The following ABCA12 variants were observed in gnomAD, a reference collection of about 807,000 sequenced individuals.
ABCA12 encodes glucosylceramide transporter ABCA12.
A neutral mutation model predicts 293.5 loss-of-function variants in ABCA12; 156 were observed. The ratio of observed to expected loss-of-function variants is 0.53; its 90% CI spans 0.47 to 0.61. The LOEUF (loss-of-function observed/expected upper bound fraction) is 0.61, where lower values mean the gene tolerates loss of function less well. Ranked by LOEUF, ABCA12 falls within the 20% of genes least tolerant of loss-of-function variation. The probability of loss-of-function intolerance (pLI) is 0.00; values close to 1 mark genes in which losing one functional copy is unlikely to be tolerated. For missense variants in ABCA12, 2,797 were observed against 3,090.2 expected (o/e 0.91, Z 2.25); for synonymous variants, 1,063 against 1,108.0 (o/e 0.96, Z 0.81).
chr2:215,136,540 A>C (rs1703231732), intron 1 of ABCA12, among the ~76,000 whole-genome samples: 1 of 152,202 alleles, frequency 6.6e-6, no homozygotes, highest in African/African-American at 2.4e-5. Context: ...TGACAATAAC[A>C]CGTACAGATT....
intron 2 of ABCA12, among the ~76,000 whole-genome samples, chr2:215,090,907 C>T (rs1186351275): frequency 6.6e-6 from 1 of 152,148 alleles, no homozygotes; most frequent in African/African-American, 2.4e-5. Flanking sequence ...GACCTAAAAC[C>T]TAAGCATCTT....
rs1699900974 is a variant in ABCA12, at chr2:214,991,033, T to C, written c.3295-2A>G. On this transcript the variant is annotated splice_acceptor_variant, in intron 23 of 52. Transcript: ENST00000272895. LOFTEE classifies it high-confidence loss of function. ...GTTCACACCCATCATCTTCATGTAC[T>C]GTAAGAAGAAAAAATGTGAGGCGCT... is the stretch of plus-strand genomic sequence containing the variant. 6.2e-7 allele frequency: 1 copy of C among 1,613,560 alleles called. No individual in the cohort carries two copies. The highest frequency in any genetic ancestry group is 2.2e-5 in the East Asian group (1 of 44,858).
At chr2:215,051,896 T>G (rs892861622) in intron 5 of ABCA12, among the ~76,000 whole-genome samples, 3 of 152,060 alleles carry the variant, frequency 2.0e-5, no homozygotes, top group Non-Finnish European at 4.4e-5. Flanking sequence ...CACATTCAAT[T>G]TCTTAAAATC....
At chr2:215,126,205 T>TA (rs1702918131) in intron 1 of ABCA12, among the ~76,000 whole-genome samples, 1 of 152,162 alleles carries the variant, frequency 6.6e-6, no homozygotes. Context: ...GCAAGTATTT[T>TA]GTTAAGGATT....
At chr2:214,982,720 T>C (rs557283158) in intron 29 of ABCA12, among the ~76,000 whole-genome samples, 19 of 152,306 alleles carry the variant, frequency 1.2e-4, no homozygotes, top group African/African-American at 4.1e-4. Context: ...CTGTGTTTTA[T>C]GTACTTGGGA....
chr2:215,074,011 T>C (rs1254797482), intron 2 of ABCA12, among the ~76,000 whole-genome samples: 6 of 152,224 alleles, frequency 3.9e-5, no homozygotes, highest in Non-Finnish European at 8.8e-5. Flanking sequence ...TGAATAACTT[T>C]GGTTAATTCC....
At chr2:215,062,443 T>A (rs573090507) in intron 3 of ABCA12, among the ~76,000 whole-genome samples, 7 of 152,004 alleles carry the variant, frequency 4.6e-5, no homozygotes, top group Non-Finnish European at 1.0e-4. Context: ...TCATAGACAA[T>A]GTATCATGTC....
intron 23 of ABCA12, among the ~76,000 whole-genome samples, chr2:214,994,104 T>C (rs1831024): frequency 0.75 from 113,642 of 152,086 alleles, 46,456 homozygotes; most frequent in East Asian, 0.96. Flanking sequence ...ACAGCTGCTA[T>C]TCATAAAGAG....
At chr2:215,016,581 T>TAA (rs1328873832) in intron 14 of ABCA12, among the ~76,000 whole-genome samples, 1 of 2,384 alleles carries the variant, frequency 4.2e-4, no homozygotes, top group African/African-American at 1.3e-3. Flanking sequence ...TGACTCTGTC[T>TAA]CAAAAAAAAA....
chr2:215,020,322 ATAT>A (rs1277680048), intron 11 of ABCA12, among the ~76,000 whole-genome samples: 1 of 152,188 alleles, frequency 6.6e-6, no homozygotes, highest in Non-Finnish European at 1.5e-5. Flanking sequence ...ACAGAGTGGT[ATAT>A]TATTAAACCT....
At position 215,004,293 on chromosome 2, in the gene ABCA12, G is replaced by A. The variant is rs1036106693; in HGVS notation, c.2599C>T (p.Leu867=). 2 of 1,609,962 alleles carry A rather than the reference G, an allele frequency of 1.2e-6. No homozygotes were observed. The highest frequency in any genetic ancestry group is 1.3e-5 in the African/African-American group (1 of 74,852). ...NQAIPMLQNT[L]RNPFVQVFVK... ...AAAACTTGCACAAAAGGGTTCCTTA[G>A]AGTATTCTAACAAATAATAATTAAA... The change falls in exon 20 of 53, where the codon CTA becomes TTA. Residue 867 remains leucine (L), a synonymous_variant. Transcript: ENST00000272895.
chr2:214,955,493 G>A, intron 42 of ABCA12, 132 bp from the exon 43 acceptor site: 3 of 823,010 alleles, frequency 3.6e-6, no homozygotes, highest in Admixed American at 4.7e-5. Context: ...ACCAGCCTGA[G>A]CAACTTGGCA....
chr2:215,019,589 TCA>T lies in ABCA12; in HGVS notation c.1493_1494del (p.Val498GlufsTer12). ...CTTGGATCTCCAGTCAGCAAATCTC[TCA>T]CTTTTTTAGATATGACATTGTCATG... ...LYHDNVISKKVRDLLTGDPSK... is the reference protein window; with the variant it reads ...LYHDNVISKKXRDLLTGDPSK... On this transcript the variant is annotated frameshift_variant, in exon 12 of 53. Transcript: ENST00000272895. LOFTEE classifies it high-confidence loss of function. The T allele has an allele frequency of 6.2e-7, 1 of 1,614,226 alleles. No homozygotes were observed. The highest frequency in any genetic ancestry group is 8.5e-7 in the Non-Finnish European group (1 of 1,180,034).
intron 2 of ABCA12, among the ~76,000 whole-genome samples, chr2:215,079,702 G>A (rs13396799): frequency 0.034 from 4,107 of 120,620 alleles, 203 homozygotes; most frequent in African/African-American, 0.1. Flanking sequence ...GATTCCCCCT[G>A]GGCATCAGAC....
At chr2:214,993,768 ATGTG>A (rs1320526994) in intron 23 of ABCA12, among the ~76,000 whole-genome samples, 1 of 152,210 alleles carries the variant, frequency 6.6e-6, no homozygotes, top group Non-Finnish European at 1.5e-5. Flanking sequence ...AGCTGATGTC[ATGTG>A]TATAAACGTG....
rs375756534 is a variant in ABCA12, at chr2:214,932,609, G to A, written c.*25C>T. 31 of 1,534,792 alleles carry A rather than the reference G, an allele frequency of 2.0e-5. No homozygotes were observed. The highest frequency in any genetic ancestry group is 2.7e-5 in the Non-Finnish European group (30 of 1,108,416). On this transcript the variant is annotated 3_prime_UTR_variant, in exon 53 of 53. Coordinates refer to ENST00000272895, the MANE Select transcript of ABCA12 (RefSeq NM_173076.3). ...TTCAAAATGAAGCCATTGGTCACAC[G>A]CTGAGATTGAGTTTGCTGGAAGTGT...
intron 50 of ABCA12, 143 bp downstream of exon 50, chr2:214,942,782 G>T (rs1698448842): frequency 4.5e-6 from 3 of 660,930 alleles, no homozygotes; most frequent in Admixed American, 2.3e-5. Context: ...TAAATTTAAG[G>T]TGAGTCAGTG....
chr2:214,942,836 T>G (rs1698449829), intron 50 of ABCA12, 89 bp downstream of exon 50: 1 of 1,127,450 alleles, frequency 8.9e-7, no homozygotes, highest in Non-Finnish European at 1.3e-6. Flanking sequence ...TTTTACTACT[T>G]AGGCTGCTGA....
chr2:214,968,736 T>C lies in ABCA12; in HGVS notation c.5762A>G (p.Asn1921Ser). 2 of 1,613,324 alleles carry C rather than the reference T, an allele frequency of 1.2e-6. No individual in the cohort carries two copies. Among genetic ancestry groups the C allele is most frequent in the Non-Finnish European group, 1.7e-6 (2 of 1,179,378 alleles). ...AAAATTTACCTTGGCAAGTGTTCTA[T>C]TGGCAGGGACTCCTGTTATATCAAA... ...LRFDITGVPANRTLAKVWYDP... is the reference protein window; with the variant it reads ...LRFDITGVPASRTLAKVWYDP... The change falls in exon 38 of 53, where the codon AAT becomes AGT. Residue 1921 changes from asparagine to serine, a missense_variant. Transcript: ENST00000272895.
Sources: gnomAD v4.1 joint callset for allele counts (sites outside exome capture counted in the v4.1 genomes callset) on GRCh38, gnomAD v4.1.1 for gene constraint, MANE v1.5 for transcripts, NCBI Gene and HGNC (gene_info 2026-07-23, HGNC 2026-07-21) for gene names.